Variants in ZNF704 observed in about 807,000 individuals in gnomAD.
ZNF704 encodes glucocorticoid induced gene 1.
ZNF704 carries 10 observed loss-of-function variants against 44.7 expected under a neutral mutation model. The ratio of observed to expected loss-of-function variants is 0.22; its 90% CI spans 0.14 to 0.38. The LOEUF is 0.38. ZNF704 is among the 10% of genes least tolerant of loss of function. The pLI, the probability that ZNF704 is intolerant of heterozygous loss-of-function variation, is 1.00. For synonymous variants in ZNF704, 211 were observed against 207.6 expected, an observed-to-expected ratio of 1.02 and a Z score of -0.14; for missense variants, 390 against 545.5, an observed-to-expected ratio of 0.71 and a Z score of 2.84.
Position 80,754,083 on chromosome 8 carries a change from G to A in ZNF704, c.222-60976C>T, listed in dbSNP as rs944577738. Among the ~76,000 whole-genome samples the A allele has an allele frequency of 6.6e-5, 10 of 152,012 alleles. No individual in the cohort carries two copies. In the South Asian group the frequency reaches 8.3e-4, roughly 13 times the overall value. ...TCTATCAGAAATGAGCAAAACAAAC[G>A]TCTCTCCTGTCTACTCCCAAACCTA... On this transcript the variant is annotated intron_variant, in intron 2 of 8. Transcript: ENST00000327835.
rs1817579121 is a variant in ZNF704 at position 80,631,232 on chromosome 8, A to T, written c.*10134T>A. The T allele has an allele frequency of 6.6e-6, 1 of 152,024 alleles. No individual in the cohort carries two copies. Among genetic ancestry groups the T allele is most frequent in the African/African-American group, 2.4e-5 (1 of 41,362 alleles). 9.4% of individuals were successfully genotyped at this position (152,024 alleles called of 1,614,324 possible). On this transcript the variant is annotated 3_prime_UTR_variant, in exon 9 of 9. Transcript: ENST00000327835. The stretch of plus-strand genomic sequence containing the variant: ...TTTGGGAAAGTATGGGTAGTTTATC[A>T]TGAAACTCCGCTGTATATCCCTGAG...
At chr8:80,859,151 G>C (rs765735262) in intron 1 of ZNF704, among the ~76,000 whole-genome samples, 97 of 152,224 alleles carry the variant, frequency 6.4e-4, no homozygotes, top group Admixed American at 1.5e-3. Flanking sequence ...TAAATATTTA[G>C]GATTTTTATG....
At chr8:80,844,813 ATTT>A (rs562955197) in intron 1 of ZNF704, among the ~76,000 whole-genome samples, 2 of 151,162 alleles carry the variant, frequency 1.3e-5, no homozygotes, top group East Asian at 1.9e-4. Flanking sequence ...AGAAGCTTGA[ATTT>A]TTTTTCTTCT....
chr8:80,780,436 T>C (rs1042642065), intron 2 of ZNF704, among the ~76,000 whole-genome samples: 1 of 152,086 alleles, frequency 6.6e-6, no homozygotes, highest in African/African-American at 2.4e-5. Context: ...AACAGCGGCA[T>C]GTGTATTGAG....
intron 5 of ZNF704, among the ~76,000 whole-genome samples, chr8:80,665,801 T>C (rs984993348): frequency 1.3e-5 from 2 of 151,900 alleles, no homozygotes; most frequent in Non-Finnish European, 2.9e-5. Flanking sequence ...GGATTAGTAA[T>C]GCGGGCACTA....
chr8:80,874,153 G>A lies in ZNF704; in HGVS notation c.-22+418C>T, dbSNP rs1809315166. Among the ~76,000 whole-genome samples, 1 of 146,636 alleles carries A rather than the reference G, an allele frequency of 6.8e-6. No individual in the cohort carries two copies. On this transcript the variant is annotated intron_variant, in intron 1 of 8. Transcript: ENST00000327835. The surrounding 1 kb of genome is among the most constrained non-coding windows in gnomAD (Gnocchi z 4.4). ...CAGGGCCGGGGACTCGCGGCCGCAA[G>A]GGGCTGCAGGAGCCGCCGGCCAGGA...
chr8:80,683,261 G>A (rs1220084875), intron 4 of ZNF704, among the ~76,000 whole-genome samples: 3 of 152,208 alleles, frequency 2.0e-5, no homozygotes, highest in Non-Finnish European at 4.4e-5. Flanking sequence ...GCTTGACAAA[G>A]TTGGCTGGCT....
intron 4 of ZNF704, among the ~76,000 whole-genome samples, chr8:80,674,176 TC>T (rs1160092306): frequency 5.9e-5 from 9 of 152,198 alleles, no homozygotes; most frequent in Non-Finnish European, 1.2e-4. Context: ...CTTCCTGACC[TC>T]CTTGGGCCAG....
At chr8:80,830,978 A>T (rs568354714) in intron 1 of ZNF704, among the ~76,000 whole-genome samples, 5 of 149,844 alleles carry the variant, frequency 3.3e-5, no homozygotes, top group African/African-American at 1.2e-4. Flanking sequence ...TTGGTCTTGA[A>T]CTCCTGACCT....
rs117568082 is a variant in ZNF704 at position 80,705,689 on chromosome 8, G to C, written c.222-12582C>G. Among the ~76,000 whole-genome samples, 492 of 152,208 alleles carry C rather than the reference G, an allele frequency of 3.2e-3. 3 individuals carry two copies. The highest frequency in any genetic ancestry group is 4.9e-3 in the Non-Finnish European group (334 of 68,020). On this transcript the variant is annotated intron_variant, in intron 2 of 8. Transcript: ENST00000327835. ...GCTCTGTGCATGGAGGAGGAGATGA[G>C]GGAGTGGGAGGTGGCTGTGCCGCAG...
chr8:80,755,955 A>G (rs1807027276), intron 2 of ZNF704, among the ~76,000 whole-genome samples: 1 of 151,986 alleles, frequency 6.6e-6, no homozygotes, highest in East Asian at 1.9e-4. Flanking sequence ...AAAAAAATCA[A>G]TAAATCAGCT....
chr8:80,797,365 C>A (rs182689233), intron 2 of ZNF704, among the ~76,000 whole-genome samples: 1 of 152,294 alleles, frequency 6.6e-6, no homozygotes, highest in Non-Finnish European at 1.5e-5. Flanking sequence ...GGGCTCTCTG[C>A]AGTGGCTCCG....
chr8:80,687,588 G>A (rs75707148), intron 3 of ZNF704, 130 bp from the exon 4 acceptor site: 1 of 646,860 alleles, frequency 1.5e-6, no homozygotes, highest in Non-Finnish European at 2.5e-6. Flanking sequence ...CAACAGCTGG[G>A]TATGTAAGTT....
At chr8:80,814,157 G>A (rs1426584937) in intron 2 of ZNF704, 1 of 152,146 alleles carries the variant, frequency 6.6e-6, no homozygotes, top group African/African-American at 2.4e-5. Flanking sequence ...GAGTAAGAAG[G>A]GAGACAGAAT....
At chr8:80,829,450 C>G (rs76721664) in intron 1 of ZNF704, among the ~76,000 whole-genome samples, 3 of 152,108 alleles carry the variant, frequency 2.0e-5, no homozygotes, top group Admixed American at 6.5e-5. Context: ...TCAAGTATTA[C>G]GTTAATTAAA....
rs190112256 is a variant in ZNF704 at position 80,740,266 on chromosome 8, T to C, written c.222-47159A>G. 3.7e-3 allele frequency among the ~76,000 whole-genome samples: 569 copies of C among 152,236 alleles called. 1 individual carries two copies. The highest frequency in any genetic ancestry group is 5.6e-3 in the Non-Finnish European group (381 of 68,002). On this transcript the variant is annotated intron_variant, in intron 2 of 8. Coordinates refer to ENST00000327835, the MANE Select transcript of ZNF704 (RefSeq NM_001033723.3). ...GCAGGGGCCATTATACACCTGAACA[T>C]AGGAGAAAGAACATCCATTTGTTGT...
At chr8:80,869,092 G>A (rs970346611) in intron 1 of ZNF704, among the ~76,000 whole-genome samples, 3 of 152,200 alleles carry the variant, frequency 2.0e-5, no homozygotes, top group African/African-American at 7.2e-5. Context: ...GTAGAATGAA[G>A]TTGATAACAA....
At chr8:80,871,352 C>G (rs949518179) in intron 1 of ZNF704, among the ~76,000 whole-genome samples, 1 of 152,214 alleles carries the variant, frequency 6.6e-6, no homozygotes, top group African/African-American at 2.4e-5. Context: ...TCACCCTTTT[C>G]TCCTTTCCAC....
rs547290889 is a variant in ZNF704, at chr8:80,774,817, C to T, written c.221+46557G>A. On this transcript the variant is annotated intron_variant, in intron 2 of 8. Coordinates refer to ENST00000327835, the MANE Select transcript of ZNF704 (RefSeq NM_001033723.3). ...GGATGTTCCTGTCTTGGTCTTTTGA[C>T]TAAGAAAGAGCAGGCTCCATTGGAG... Among the ~76,000 whole-genome samples the T allele has an allele frequency of 2.0e-5, 3 of 152,288 alleles. No homozygotes were observed. In the South Asian group the frequency reaches 6.2e-4, roughly 32 times the overall value.
Sources: gnomAD v4.1 joint callset for allele counts (sites outside exome capture counted in the v4.1 genomes callset) on GRCh38, gnomAD v4.1.1 for gene constraint, Gnocchi (gnomAD v3.1) non-coding constraint, MANE v1.5 for transcripts, NCBI Gene and HGNC (gene_info 2026-07-23, HGNC 2026-07-21) for gene names.